USP7: variants seen among roughly 807,000 people sequenced by gnomAD.
The protein encoded by USP7 is ubiquitin C-terminal hydrolase 7.
USP7 carries 9 observed loss-of-function variants against 162.9 expected under a neutral mutation model. The observed-to-expected ratio is 0.06, with a 90% CI of 0.03 to 0.10. The LOEUF (loss-of-function observed/expected upper bound fraction) is 0.10. Among genes scored for constraint, USP7 ranks in the 10% least tolerant of loss-of-function variants. USP7 has a pLI of 1.00. For synonymous variants in USP7, 562 were observed against 475.9 expected (o/e 1.18, Z -2.35); for missense variants, 715 against 1,373.7 (o/e 0.52, Z 7.58).
At chr16:8,934,779 A>G (rs1239802862) in intron 1 of USP7, among the ~76,000 whole-genome samples, 1 of 152,236 alleles carries the variant, frequency 6.6e-6, no homozygotes, top group African/African-American at 2.4e-5. Context: ...CTGGTTGGCC[A>G]CCGAGTACAT....
chr16:8,901,371 CTTAAGGTACCTAAAAG>C (rs2061771942), intron 18 of USP7, 137 bp from the exon 19 acceptor site: 1 of 649,048 alleles, frequency 1.5e-6, no homozygotes, highest in Non-Finnish European at 2.7e-6. Flanking sequence ...GAAATGACAG[CTTAAGGTACCTAAAAG>C]TTACTTCAGA....
intron 13 of USP7, among the ~76,000 whole-genome samples, chr16:8,905,620 A>G (rs947306373): frequency 2.6e-5 from 4 of 152,144 alleles, no homozygotes; most frequent in Non-Finnish European, 5.9e-5. Context: ...GAAATAGCCC[A>G]TTTTCCACTT....
chr16:8,934,435 A>C (rs1467877460), intron 1 of USP7, among the ~76,000 whole-genome samples: 3 of 152,242 alleles, frequency 2.0e-5, no homozygotes, highest in African/African-American at 7.2e-5. Context: ...AACCAAGATC[A>C]ATTCAAGAGC....
intron 25 of USP7, among the ~76,000 whole-genome samples, chr16:8,897,566 A>G (rs1045270771): frequency 6.6e-6 from 1 of 151,428 alleles, no homozygotes; most frequent in African/African-American, 2.4e-5. Flanking sequence ...TAGCATCTAA[A>G]TAGGCATGCA....
intron 21 of USP7, 24 bp from the exon 22 acceptor site, chr16:8,899,781 G>T (rs1218946008): frequency 1.2e-6 from 2 of 1,613,984 alleles, no homozygotes; most frequent in African/African-American, 2.7e-5. Context: ...AAAGTTTGCA[G>T]TCTGAATCAA....
At position 8,955,720 on chromosome 16, in the gene USP7, A is replaced by AC. The variant is rs1157885857; in HGVS notation, c.79+7486_79+7487insG. ...ATTCCATCTCAAAAAAAAAAAAAAA[A>AC]AAAAAACATTGCACAGGGTCAATTA... On this transcript the variant is annotated intron_variant, in intron 1 of 30. Transcript: ENST00000344836. Among the ~76,000 whole-genome samples, 1,059 of 147,210 alleles carry AC rather than the reference A, an allele frequency of 7.2e-3. 16 individuals are homozygous for AC. The highest frequency in any genetic ancestry group is 0.025 in the African/African-American group (987 of 39,064).
intron 26 of USP7, 64 bp downstream of exon 26, chr16:8,896,935 C>A: frequency 8.0e-7 from 1 of 1,254,866 alleles, no homozygotes; most frequent in Non-Finnish European, 1.2e-6. Context: ...AACGCAACTG[C>A]AGAGGTCAGC....
At chr16:8,932,079 C>T (rs577991059) in intron 1 of USP7, among the ~76,000 whole-genome samples, 5 of 152,262 alleles carry the variant, frequency 3.3e-5, no homozygotes, top group African/African-American at 1.2e-4. Flanking sequence ...CAAGAACTCT[C>T]CAAAACCCCA....
intron 2 of USP7, among the ~76,000 whole-genome samples, chr16:8,924,904 G>C (rs1402409266): frequency 1.3e-5 from 2 of 152,246 alleles, no homozygotes; most frequent in South Asian, 4.1e-4. Flanking sequence ...AGGAAGAGCA[G>C]CTGAAAGAGG....
intron 1 of USP7, among the ~76,000 whole-genome samples, chr16:8,961,664 A>G (rs1239989690): frequency 2.6e-5 from 4 of 152,198 alleles, no homozygotes; most frequent in African/African-American, 9.7e-5. Flanking sequence ...GGAAATCCAT[A>G]TGCTCGTGTT....
At chr16:8,930,165 C>T in intron 2 of USP7, 128 bp downstream of exon 2, 1 of 631,368 alleles carries the variant, frequency 1.6e-6, no homozygotes, top group Non-Finnish European at 2.6e-6. Context: ...TCCTCAGTTA[C>T]AGCCTCCTGA....
rs1279265077 is a variant in USP7, at chr16:8,902,606, T to C, written c.1840-124A>G. ...ATAGTCAATGTTAAGACTGTGATCG[T>C]AGGCCAGGTGCTGTGGCTCTCGCCT... On this transcript the variant is annotated intron_variant, in intron 16 of 30. Coordinates refer to ENST00000344836, the MANE Select transcript of USP7 (RefSeq NM_003470.3). 22 of 832,756 alleles carry C rather than the reference T, an allele frequency of 2.6e-5. No homozygotes were observed. The East Asian group carries it at 3.5e-4, about 13-fold the overall frequency. The allele number at this position is 832,756 out of a possible 1,614,324, so 51.6% of individuals were successfully genotyped here.
At chr16:8,923,173 G>T (rs2141215199) in intron 3 of USP7, 42 bp downstream of exon 3, 2 of 50,288 alleles carry the variant, frequency 4.0e-5, no homozygotes, top group Non-Finnish European at 3.6e-5. Context: ...AATTGCACTA[G>T]GCTGATCAAA....
intron 1 of USP7, chr16:8,935,650 T>A (rs549015144): frequency 6.6e-6 from 1 of 152,206 alleles, no homozygotes; most frequent in East Asian, 1.9e-4. Context: ...TACCATCCCA[T>A]AATACGCATA....
chr16:8,948,810 A>G (rs1899415124), intron 1 of USP7, among the ~76,000 whole-genome samples: 1 of 152,176 alleles, frequency 6.6e-6, no homozygotes, highest in Non-Finnish European at 1.5e-5. Context: ...AAAAAAATAC[A>G]AAACTTAGCC....
intron 4 of USP7, among the ~76,000 whole-genome samples, chr16:8,920,761 C>A (rs1286312704): frequency 6.6e-6 from 1 of 152,156 alleles, no homozygotes; most frequent in East Asian, 1.9e-4. Context: ...AGTGACTTAG[C>A]ATAGTAAGAA....
chr16:8,943,868 ATAAGTT>A (rs1248977243), intron 1 of USP7, among the ~76,000 whole-genome samples: 1 of 152,206 alleles, frequency 6.6e-6, no homozygotes, highest in African/African-American at 2.4e-5. Context: ...AACTTTAAAC[ATAAGTT>A]TAATTTTTCA....
At chr16:8,938,236 T>C (rs750626744) in intron 1 of USP7, among the ~76,000 whole-genome samples, 2 of 151,936 alleles carry the variant, frequency 1.3e-5, no homozygotes, top group Non-Finnish European at 2.9e-5. Context: ...TGGATTCCTG[T>C]AGGACTGCTA....
intron 1 of USP7, among the ~76,000 whole-genome samples, chr16:8,943,007 G>C (rs1459049858): frequency 6.6e-6 from 1 of 152,132 alleles, no homozygotes; most frequent in East Asian, 1.9e-4. Flanking sequence ...CCGACCACCT[G>C]GCTTTAAGGC....
Sources: gnomAD v4.1 joint callset for allele counts (sites outside exome capture counted in the v4.1 genomes callset) on GRCh38, gnomAD v4.1.1 for gene constraint, MANE v1.5 for transcripts, NCBI Gene and HGNC (gene_info 2026-07-23, HGNC 2026-07-21) for gene names.